Variants in MAL2 observed in about 807,000 individuals in gnomAD.
MAL2 encodes mal, T cell differentiation protein 2, also known as protein MAL2.
A neutral mutation model predicts 18.1 loss-of-function variants in MAL2; 17 were observed. That is an observed-to-expected ratio of 0.94 (90% confidence interval 0.64 to 1.41). MAL2 has a LOEUF of 1.41. Ranked by LOEUF, MAL2 falls within the 40% of genes most tolerant of loss-of-function variation. MAL2 has a pLI of 0.00. For missense variants in MAL2, 222 were observed against 231.9 expected (o/e 0.96, Z 0.28); for synonymous variants, 102 against 102.3 (o/e 1.00, Z 0.02).
In MAL2 at chr8:119,208,442, C is replaced by CG; in HGVS notation, c.-30dup. The CG allele has an allele frequency of 8.6e-7, 1 of 1,158,782 alleles. No individual in the cohort carries two copies. The highest frequency in any genetic ancestry group is 1.6e-5 in the African/African-American group (1 of 61,334). The allele number at this position is 1,158,782 out of a possible 1,614,324, so 71.8% of individuals were successfully genotyped here. A position where few individuals can be genotyped will look rare whatever the true frequency, so the allele number is the denominator to read the frequency against. Reference sequence around the variant, plus strand: ...AGGCGGAGGCGGGAGGCGGCGGCGGCGCGCGGAGACGCAGCAGCGGCAGCG... The same window carrying CG: ...AGGCGGAGGCGGGAGGCGGCGGCGGCGGCGCGGAGACGCAGCAGCGGCAGCG... On this transcript the variant is annotated 5_prime_UTR_variant, in exon 1 of 4. Coordinates refer to ENST00000614891, the MANE Select transcript of MAL2 (RefSeq NM_052886.3). This position sits in a 1 kb window ranked among gnomAD's most constrained non-coding sequence, Gnocchi z 4.3.
rs1364625693 is a variant in MAL2, at chr8:119,236,666, A to C, written c.304-3499A>C. On this transcript the variant is annotated intron_variant, in intron 2 of 3. Coordinates refer to ENST00000614891, the MANE Select transcript of MAL2 (RefSeq NM_052886.3). ...CTCAAAACCGCTCAACTACATGGAA[A>C]CTGAACAACCTGCTCCTGAATGACT... Among the ~76,000 whole-genome samples the C allele has an allele frequency of 2.0e-5, 3 of 151,578 alleles. No individual in the cohort carries two copies. The East Asian group carries it at 5.8e-4, about 29-fold the overall frequency.
chr8:119,219,060 G>T (rs1817412615), intron 1 of MAL2, among the ~76,000 whole-genome samples: 1 of 152,108 alleles, frequency 6.6e-6, no homozygotes, highest in Non-Finnish European at 1.5e-5. Flanking sequence ...AGTATGTAAA[G>T]GTAAATAATA....
intron 2 of MAL2, among the ~76,000 whole-genome samples, chr8:119,226,823 C>T (rs1435045889): frequency 6.6e-6 from 1 of 152,202 alleles, no homozygotes; most frequent in Non-Finnish European, 1.5e-5. Context: ...GAGTAGGACT[C>T]AGCTGTCTTG....
chr8:119,219,366 A>G (rs1191271256), intron 1 of MAL2, among the ~76,000 whole-genome samples: 1 of 152,206 alleles, frequency 6.6e-6, no homozygotes, highest in Admixed American at 6.5e-5. Flanking sequence ...TTTAACTTTC[A>G]GTGACTTGTG....
intron 2 of MAL2, among the ~76,000 whole-genome samples, chr8:119,231,073 C>A (rs1401851759): frequency 6.6e-6 from 1 of 151,862 alleles, no homozygotes; most frequent in Non-Finnish European, 1.5e-5. Flanking sequence ...GCTCTGTTGT[C>A]CAGGCTGGAG....
chr8:119,225,241 G>A (rs200131581), intron 2 of MAL2, among the ~76,000 whole-genome samples: 1 of 152,056 alleles, frequency 6.6e-6, no homozygotes, highest in East Asian at 1.9e-4. Context: ...TTTAACATCA[G>A]GTATATCTCC....
chr8:119,215,137 A>G (rs1335369621), intron 1 of MAL2: 1 of 152,392 alleles, frequency 6.6e-6, no homozygotes, highest in African/African-American at 2.4e-5. Flanking sequence ...CATGAATTCA[A>G]CTGGCAAGAG....
At chr8:119,236,075 C>A in intron 2 of MAL2, among the ~76,000 whole-genome samples, 1 of 39,736 alleles carries the variant, frequency 2.5e-5, no homozygotes, top group Non-Finnish European at 5.0e-5. Context: ...CACACATAGG[C>A]TCAAAATAAA....
rs189551140 is a variant in MAL2 at position 119,245,639 on chromosome 8, C to T, written c.*2151C>T. Reference sequence around the variant, plus strand: ...ATGATGAAAAGAAATTTATTTTATACGTGTTATGTCTCTAATAAAGTATTC... The same window carrying T: ...ATGATGAAAAGAAATTTATTTTATATGTGTTATGTCTCTAATAAAGTATTC... On this transcript the variant is annotated 3_prime_UTR_variant, in exon 4 of 4. Coordinates refer to ENST00000614891, the MANE Select transcript of MAL2 (RefSeq NM_052886.3). 14 of 151,618 alleles carry T rather than the reference C, an allele frequency of 9.2e-5. No individual in the cohort carries two copies. The highest frequency in any genetic ancestry group is 5.2e-4 in the Admixed American group (8 of 15,262). 9.4% of individuals were successfully genotyped at this position (151,618 alleles called of 1,614,324 possible). A position where few individuals can be genotyped will look rare whatever the true frequency, so the allele number is the denominator to read the frequency against.
At chr8:119,222,299 G>A (rs371287036) in intron 2 of MAL2, among the ~76,000 whole-genome samples, 124 of 152,116 alleles carry the variant, frequency 8.2e-4, no homozygotes, top group Non-Finnish European at 1.1e-3. Flanking sequence ...GGGAGGCCGA[G>A]GCAGATGAAT....
chr8:119,230,429 T>C (rs1817693577), intron 2 of MAL2, among the ~76,000 whole-genome samples: 1 of 151,650 alleles, frequency 6.6e-6, no homozygotes, highest in Admixed American at 6.6e-5. Context: ...AGAAGCAAAA[T>C]TGGCAGGATT....
chr8:119,241,072 T>G (rs1170823154), intron 3 of MAL2, among the ~76,000 whole-genome samples: 1 of 152,188 alleles, frequency 6.6e-6, no homozygotes, highest in Non-Finnish European at 1.5e-5. Flanking sequence ...AATGTTTTAT[T>G]ATGTTCCCCA....
At chr8:119,236,900 A>G (rs1013728983) in intron 2 of MAL2, among the ~76,000 whole-genome samples, 5 of 150,072 alleles carry the variant, frequency 3.3e-5, no homozygotes, top group Admixed American at 6.6e-5. Context: ...AGCAAGAGCA[A>G]ACACATTCAA....
At chr8:119,237,260 G>C (rs990934046) in intron 2 of MAL2, among the ~76,000 whole-genome samples, 4 of 150,774 alleles carry the variant, frequency 2.7e-5, no homozygotes, top group African/African-American at 4.9e-5. Flanking sequence ...TCTCTGAATA[G>C]ACCAATAACA....
chr8:119,225,682 G>A (rs1186211854), intron 2 of MAL2, among the ~76,000 whole-genome samples: 1 of 152,154 alleles, frequency 6.6e-6, no homozygotes, highest in Non-Finnish European at 1.5e-5. Flanking sequence ...CTAGATCCCT[G>A]AGGAATCGCC....
intron 3 of MAL2, among the ~76,000 whole-genome samples, chr8:119,243,199 A>G (rs2129933272): frequency 6.6e-6 from 1 of 152,076 alleles, no homozygotes; most frequent in Non-Finnish European, 1.5e-5. Context: ...AATTATTAGG[A>G]GCTAAAATGT....
At chr8:119,225,271 TC>T (rs1370090068) in intron 2 of MAL2, among the ~76,000 whole-genome samples, 1 of 144,790 alleles carries the variant, frequency 6.9e-6, no homozygotes, top group African/African-American at 2.5e-5. Context: ...CCCTCCCCAC[TC>T]CCCCCACCCC....
intron 2 of MAL2, among the ~76,000 whole-genome samples, chr8:119,229,084 C>T (rs777338517): frequency 6.6e-5 from 10 of 152,162 alleles, no homozygotes; most frequent in Middle Eastern, 3.4e-3. Flanking sequence ...TGGTTGATGC[C>T]AAAGGATTGC....
rs531196422 is a variant in MAL2, at chr8:119,208,436, C to T, written c.-37C>T. The T allele has an allele frequency of 4.4e-6, 5 of 1,128,892 alleles. No homozygotes were observed. Among genetic ancestry groups the T allele is most frequent in the South Asian group, 4.3e-5 (1 of 23,356 alleles). 69.9% of individuals were successfully genotyped at this position (1,128,892 alleles called of 1,614,324 possible). Reference sequence around the variant, plus strand: ...CCCGGGAGGCGGAGGCGGGAGGCGGCGGCGGCGCGCGGAGACGCAGCAGCG... The same window carrying T: ...CCCGGGAGGCGGAGGCGGGAGGCGGTGGCGGCGCGCGGAGACGCAGCAGCG... On this transcript the variant is annotated 5_prime_UTR_variant, in exon 1 of 4. Coordinates refer to ENST00000614891, the MANE Select transcript of MAL2 (RefSeq NM_052886.3). The surrounding 1 kb of genome is among the most constrained non-coding windows in gnomAD (Gnocchi z 4.3).
Sources: allele counts gnomAD v4.1 joint callset (sites outside exome capture counted in the v4.1 genomes callset), GRCh38; gene constraint gnomAD v4.1.1; non-coding constraint Gnocchi (gnomAD v3.1); transcripts MANE v1.5; gene names NCBI Gene and HGNC (gene_info 2026-07-23, HGNC 2026-07-21).